PPARGC1A: variants seen among roughly 807,000 people sequenced by gnomAD.
The protein encoded by PPARGC1A is peroxisome proliferator-activated receptor gamma coactivator 1-alpha.
In PPARGC1A, 25 loss-of-function variants were observed where a neutral mutation model predicts 88.7. That is an observed-to-expected ratio of 0.28 (90% CI 0.21 to 0.39). The LOEUF is 0.39. PPARGC1A is among the 10% of genes least tolerant of loss of function. PPARGC1A has a pLI of 1.00. For synonymous variants in PPARGC1A, 363 were observed against 355.6 expected, an observed-to-expected ratio of 1.02 and a Z score of -0.24; for missense variants, 880 against 968.7, an observed-to-expected ratio of 0.91 and a Z score of 1.22.
At chr4:24,109,273 C>T in the PPARGC1A span, among the ~76,000 whole-genome samples, 2 of 137,196 alleles carry the variant, frequency 1.5e-5, no homozygotes, top group Non-Finnish European at 3.1e-5. Flanking sequence ...TATTTCTCTC[C>T]ATAGCACTTA....
chr4:23,819,405 G>A (rs1282785692), intron 7 of PPARGC1A, among the ~76,000 whole-genome samples: 1 of 152,102 alleles, frequency 6.6e-6, no homozygotes, highest in African/African-American at 2.4e-5. Flanking sequence ...AACTGGCCTT[G>A]GAGAAAAGCT....
chr4:23,794,395 G>A lies in PPARGC1A; in HGVS notation c.*1427C>T, dbSNP rs940847067. ...AATGTGGAAAAATATCGCAGAAGTG[G>A]TTAATACCTTTAGGGGACTAGGATA... is the stretch of plus-strand genomic sequence containing the variant. On this transcript the variant is annotated 3_prime_UTR_variant, in exon 13 of 13. Coordinates refer to ENST00000264867, the MANE Select transcript of PPARGC1A (RefSeq NM_013261.5). 6.6e-6 allele frequency: 1 copy of A among 152,534 alleles called. No homozygotes were observed. The highest frequency in any genetic ancestry group is 2.4e-5 in the African/African-American group (1 of 41,428). The allele number at this position is 152,534 out of a possible 1,614,324, so 9.4% of individuals were successfully genotyped here. A position where few individuals can be genotyped will look rare whatever the true frequency, so the allele number is the denominator to read the frequency against.
chr4:24,452,685 C>T, the PPARGC1A span, among the ~76,000 whole-genome samples: 968 of 152,198 alleles, frequency 6.4e-3, 10 homozygotes, highest in African/African-American at 0.022. Context: ...TCACGTGTGG[C>T]GTGGAATACT....
the PPARGC1A span, among the ~76,000 whole-genome samples, chr4:23,974,515 C>T: frequency 6.6e-6 from 1 of 152,148 alleles, no homozygotes; most frequent in African/African-American, 2.4e-5. Flanking sequence ...GCCATTATTT[C>T]CTCTCACTTA....
chr4:24,363,315 A>G, the PPARGC1A span, among the ~76,000 whole-genome samples: 1 of 152,362 alleles, frequency 6.6e-6, no homozygotes, highest in African/African-American at 2.4e-5. Flanking sequence ...TTGGCTCAAT[A>G]TAAACATTTG....
At chr4:23,870,099 T>C (rs1198331069) in intron 2 of PPARGC1A, among the ~76,000 whole-genome samples, 1 of 152,252 alleles carries the variant, frequency 6.6e-6, no homozygotes, top group Non-Finnish European at 1.5e-5. Context: ...GGATAATATA[T>C]AAACTCCATT....
the PPARGC1A span, among the ~76,000 whole-genome samples, chr4:24,216,930 C>A: frequency 6.6e-6 from 1 of 152,122 alleles, no homozygotes; most frequent in Non-Finnish European, 1.5e-5. Flanking sequence ...AAGTAATATA[C>A]CTACCACTGT....
the PPARGC1A span, among the ~76,000 whole-genome samples, chr4:24,286,781 T>A: frequency 6.6e-6 from 1 of 152,110 alleles, no homozygotes; most frequent in Non-Finnish European, 1.5e-5. Flanking sequence ...GAACCAGGAA[T>A]CAGAGCAGCG....
chr4:23,994,602 A>G, the PPARGC1A span, among the ~76,000 whole-genome samples: 1 of 152,174 alleles, frequency 6.6e-6, no homozygotes, highest in African/African-American at 2.4e-5. Flanking sequence ...GTCAGATTTC[A>G]AAGCCCACAT....
chr4:24,470,416 C>T, the PPARGC1A span, among the ~76,000 whole-genome samples: 6 of 152,014 alleles, frequency 3.9e-5, no homozygotes, highest in African/African-American at 1.4e-4. The surrounding 1 kb of genome is among the most constrained non-coding windows in gnomAD (Gnocchi z 5.8). Flanking sequence ...CAATCCTGGG[C>T]GGATGCAAGG....
At chr4:24,283,027 C>T in the PPARGC1A span, among the ~76,000 whole-genome samples, 1 of 152,128 alleles carries the variant, frequency 6.6e-6, no homozygotes, top group Non-Finnish European at 1.5e-5. Context: ...ACTTCCCGTG[C>T]TCCTTACAAA....
chr4:24,398,119 A>G, the PPARGC1A span, among the ~76,000 whole-genome samples: 250 of 152,370 alleles, frequency 1.6e-3, 1 homozygote, highest in African/African-American at 5.7e-3. Flanking sequence ...CAACTTTATA[A>G]GAACATTTAC....
At chr4:24,446,013 C>T in the PPARGC1A span, among the ~76,000 whole-genome samples, 4 of 151,976 alleles carry the variant, frequency 2.6e-5, no homozygotes, top group African/African-American at 4.8e-5. Context: ...TTGCAGTGAG[C>T]GGAGATCACG....
chr4:24,326,260 T>C, the PPARGC1A span, among the ~76,000 whole-genome samples: 2 of 152,210 alleles, frequency 1.3e-5, no homozygotes, highest in Admixed American at 6.5e-5. Context: ...TGCTACAGCA[T>C]GGCCTTTTGA....
chr4:23,970,338 G>C, the PPARGC1A span, among the ~76,000 whole-genome samples: 44 of 152,198 alleles, frequency 2.9e-4, 1 homozygote, highest in Admixed American at 2.7e-3. Context: ...TTTACCACTA[G>C]AGCTGAGGCT....
chr4:23,922,618 G>A, the PPARGC1A span, among the ~76,000 whole-genome samples: 4 of 152,156 alleles, frequency 2.6e-5, no homozygotes, highest in Non-Finnish European at 5.9e-5. Flanking sequence ...TGAGGCGGAG[G>A]TTTCTGCTGG....
At chr4:24,176,187 G>A in the PPARGC1A span, among the ~76,000 whole-genome samples, 1 of 152,174 alleles carries the variant, frequency 6.6e-6, no homozygotes, top group African/African-American at 2.4e-5. Context: ...GTTGCATAAA[G>A]ATCTCTTCTT....
At chr4:24,194,606 GCA>G in the PPARGC1A span, among the ~76,000 whole-genome samples, 37 of 93,786 alleles carry the variant, frequency 3.9e-4, 1 homozygote, top group East Asian at 1.1e-3. Flanking sequence ...CAGTGGGCTG[GCA>G]CACACGCGCG....
the PPARGC1A span, among the ~76,000 whole-genome samples, chr4:24,281,887 C>T: frequency 2.6e-5 from 4 of 152,134 alleles, no homozygotes; most frequent in African/African-American, 9.7e-5. Flanking sequence ...TATCAAATTC[C>T]CACAGCAAGC....
Sources: allele counts gnomAD v4.1 joint callset (sites outside exome capture counted in the v4.1 genomes callset), GRCh38; gene constraint gnomAD v4.1.1; non-coding constraint Gnocchi (gnomAD v3.1); transcripts MANE v1.5; gene names NCBI Gene and HGNC (gene_info 2026-07-23, HGNC 2026-07-21).